CNTNAP2: variants seen among roughly 807,000 people sequenced by gnomAD.
CNTNAP2 encodes the protein contactin-associated protein-like 2.
CNTNAP2 carries 98 observed loss-of-function variants against 155.2 expected under a neutral mutation model. The observed-to-expected ratio is 0.63, with a 90% CI of 0.54 to 0.75. CNTNAP2 has a LOEUF of 0.75. Ranked by LOEUF, CNTNAP2 falls within the 30% of genes least tolerant of loss-of-function variation. The pLI is 0.00. For missense variants in CNTNAP2, 1,727 were observed against 1,688.1 expected (o/e 1.02, Z -0.40); for synonymous variants, 651 against 631.2 (o/e 1.03, Z -0.47).
Position 147,448,947 on chromosome 7 carries a change from A to G in CNTNAP2, c.1671-36988A>G, listed in dbSNP as rs191801358. On this transcript the variant is annotated intron_variant, in intron 10 of 23. Transcript: ENST00000361727. ...CTCAATAAATAAACTCTTTGAATAAAAAAGAACCCTAAGCATCTTTTTGCA... is the reference window on the plus strand; with the variant it reads ...CTCAATAAATAAACTCTTTGAATAAGAAAGAACCCTAAGCATCTTTTTGCA... 5.9e-5 allele frequency among the ~76,000 whole-genome samples: 9 copies of G among 152,272 alleles called. No homozygotes were observed. The East Asian group carries it at 1.7e-3, about 29-fold the overall frequency.
At chr7:146,719,401 A>G (rs1801246117) in intron 1 of CNTNAP2, among the ~76,000 whole-genome samples, 1 of 152,200 alleles carries the variant, frequency 6.6e-6, no homozygotes, top group African/African-American at 2.4e-5. Context: ...GAGAAGTATA[A>G]CAGTAGGAGA....
intron 13 of CNTNAP2, among the ~76,000 whole-genome samples, chr7:147,639,660 G>A (rs568602681): frequency 1.1e-4 from 17 of 152,284 alleles, no homozygotes; most frequent in African/African-American, 4.1e-4. Context: ...TTATTGTAAA[G>A]ATGAAAGCAT....
At chr7:148,173,892 G>A (rs2906288) in intron 18 of CNTNAP2, among the ~76,000 whole-genome samples, 10,275 of 152,212 alleles carry the variant, frequency 0.068, 707 homozygotes, top group African/African-American at 0.18. Flanking sequence ...ATAAGTACCA[G>A]TTTAAAGAAA....
intron 1 of CNTNAP2, among the ~76,000 whole-genome samples, chr7:146,464,923 C>A (rs937274563): frequency 4.6e-5 from 7 of 152,130 alleles, no homozygotes; most frequent in African/African-American, 1.4e-4. Flanking sequence ...AGTGCTTGGA[C>A]CCCATCAACT....
intron 15 of CNTNAP2, among the ~76,000 whole-genome samples, chr7:148,111,122 C>A (rs1217790082): frequency 1.3e-5 from 2 of 152,088 alleles, no homozygotes; most frequent in Non-Finnish European, 2.9e-5. Context: ...AGATTGCAGT[C>A]AGCTGTCTAG....
At chr7:146,985,897 C>A (rs1234102881) in intron 3 of CNTNAP2, among the ~76,000 whole-genome samples, 1 of 152,022 alleles carries the variant, frequency 6.6e-6, no homozygotes, top group Non-Finnish European at 1.5e-5. Flanking sequence ...GACACTTAAA[C>A]ATTTAAAGTC....
intron 1 of CNTNAP2, among the ~76,000 whole-genome samples, chr7:146,486,686 T>G (rs1797063382): frequency 6.6e-6 from 1 of 152,140 alleles, no homozygotes; most frequent in Admixed American, 6.5e-5. Flanking sequence ...CGATGATAAA[T>G]GTGACAGATC....
At chr7:148,128,163 C>T (rs1187522664) in intron 16 of CNTNAP2, among the ~76,000 whole-genome samples, 4 of 152,244 alleles carry the variant, frequency 2.6e-5, no homozygotes, top group Admixed American at 1.3e-4. Flanking sequence ...GCCACCATGC[C>T]GGGCCTCTGG....
chr7:148,113,973 C>T (rs917360389), intron 15 of CNTNAP2, among the ~76,000 whole-genome samples: 8 of 152,218 alleles, frequency 5.3e-5, no homozygotes, highest in African/African-American at 1.9e-4. Context: ...AGCCTTGCCT[C>T]CTCCACTTAT....
intron 11 of CNTNAP2, among the ~76,000 whole-genome samples, chr7:147,492,219 C>T (rs1027445816): frequency 6.6e-6 from 1 of 152,118 alleles, no homozygotes; most frequent in African/African-American, 2.4e-5. Flanking sequence ...TGCACAACCT[C>T]GATCCCTCAC....
chr7:147,402,136 G>A (rs1289522381), intron 10 of CNTNAP2, among the ~76,000 whole-genome samples: 5 of 152,134 alleles, frequency 3.3e-5, no homozygotes, highest in East Asian at 1.9e-4. Context: ...CCTCCTTTCC[G>A]TGTATATTCG....
intron 1 of CNTNAP2, among the ~76,000 whole-genome samples, chr7:146,415,752 C>T (rs942744848): frequency 2.0e-5 from 3 of 151,874 alleles, no homozygotes; most frequent in Admixed American, 2.0e-4. Context: ...TATTTTAATG[C>T]CAGTTTTCCT....
In CNTNAP2 at chr7:148,417,642, T is replaced by C. The variant is rs2116734959; in HGVS notation, c.*2026T>C. On this transcript the variant is annotated 3_prime_UTR_variant, in exon 24 of 24. Transcript: ENST00000361727. ...ATGATTACCATTAGGAGTTACTTTA[T>C]GTATTGTTGAAAGCAAATTTTAAAC... 6.6e-6 allele frequency: 1 copy of C among 152,382 alleles called. No individual in the cohort carries two copies. Among genetic ancestry groups the C allele is most frequent in the African/African-American group, 2.4e-5 (1 of 41,592 alleles). The allele number at this position is 152,382 out of a possible 1,614,324, so 9.4% of individuals were successfully genotyped here. A position where few individuals can be genotyped will look rare whatever the true frequency, so the allele number is the denominator to read the frequency against.
chr7:148,132,630 A>C (rs1409725154), intron 16 of CNTNAP2, among the ~76,000 whole-genome samples: 4 of 152,214 alleles, frequency 2.6e-5, no homozygotes, highest in Non-Finnish European at 5.9e-5. Flanking sequence ...TGTAGAATAG[A>C]AATGTTGAAG....
chr7:147,390,254 G>A (rs1022257781), intron 9 of CNTNAP2, among the ~76,000 whole-genome samples: 3 of 152,054 alleles, frequency 2.0e-5, no homozygotes, highest in Non-Finnish European at 4.4e-5. Context: ...GTAATCTTCA[G>A]GTTCTAATTA....
intron 3 of CNTNAP2, among the ~76,000 whole-genome samples, chr7:146,955,632 T>C (rs1797418687): frequency 6.6e-6 from 1 of 151,998 alleles, no homozygotes; most frequent in Admixed American, 6.6e-5. Context: ...GAAGTATACA[T>C]TTTAAGACAA....
At chr7:146,333,780 ACT>A (rs1462974890) in intron 1 of CNTNAP2, among the ~76,000 whole-genome samples, 8 of 152,090 alleles carry the variant, frequency 5.3e-5, no homozygotes, top group African/African-American at 1.9e-4. Context: ...TAATTCAAAG[ACT>A]CTAGCTCATT....
At chr7:147,789,495 A>C (rs1039683017) in intron 13 of CNTNAP2, among the ~76,000 whole-genome samples, 1 of 152,194 alleles carries the variant, frequency 6.6e-6, no homozygotes, top group Admixed American at 6.5e-5. Context: ...TGCTTTGCCC[A>C]GACATCCAGC....
chr7:146,382,189 A>G (rs145577959), intron 1 of CNTNAP2, among the ~76,000 whole-genome samples: 1 of 152,366 alleles, frequency 6.6e-6, no homozygotes, highest in African/African-American at 2.4e-5. Context: ...GCAAGAACTA[A>G]GAAGATGCAA....
Sources: gnomAD v4.1 joint callset for allele counts (sites outside exome capture counted in the v4.1 genomes callset) on GRCh38, gnomAD v4.1.1 for gene constraint, MANE v1.5 for transcripts, NCBI Gene and HGNC (gene_info 2026-07-23, HGNC 2026-07-21) for gene names.